PCDHAC1: variants seen among roughly 807,000 people sequenced by gnomAD.
PCDHAC1 encodes the protein protocadherin alpha-C1.
A neutral mutation model predicts 60.0 loss-of-function variants in PCDHAC1; 42 were observed. The ratio of observed to expected loss-of-function variants is 0.70; its 90% CI spans 0.55 to 0.90. PCDHAC1 has a LOEUF of 0.90. Among genes scored for constraint, PCDHAC1 ranks in the 40% least tolerant of loss-of-function variants. The pLI is 0.00. For missense variants in PCDHAC1, 1,160 were observed against 1,222.3 expected (o/e 0.95, Z 0.76); for synonymous variants, 468 against 499.3 (o/e 0.94, Z 0.84).
In PCDHAC1 at chr5:140,928,627, T is replaced by G. The variant is rs782634688; in HGVS notation, c.1735T>G (p.Leu579Val). The G allele has an allele frequency of 1.5e-5, 24 of 1,614,220 alleles. No homozygotes were observed. The highest frequency in any genetic ancestry group is 1.9e-5 in the Non-Finnish European group (23 of 1,180,026). Residue 579 changes from leucine (L) to valine (V), a missense_variant, in exon 1 of 4, where the codon TTG (leucine) becomes GTG (valine). Transcript: ENST00000253807. ...GCCCCGCTCTGCCAGGACTGGACAC[T>G]TGGTCACAAAAGTGGTAGCAGAGGA... ...IVPRSARTGH[L>V]VTKVVAEDAD...
At chr5:140,953,810 C>T (rs918101590) in intron 1 of PCDHAC1, among the ~76,000 whole-genome samples, 5 of 152,190 alleles carry the variant, frequency 3.3e-5, no homozygotes, top group South Asian at 2.1e-4. Context: ...TTCTGAGGTG[C>T]ATGTGCTAGT....
chr5:140,992,216 C>G (rs1554252754), intron 3 of PCDHAC1, among the ~76,000 whole-genome samples: 1 of 152,100 alleles, frequency 6.6e-6, no homozygotes, highest in African/African-American at 2.4e-5. Flanking sequence ...AAACTACTCT[C>G]CCTTCCTGGG....
rs558801074 is a variant in PCDHAC1 at position 140,931,826 on chromosome 5, G to A, written c.2433+2501G>A. On this transcript the variant is annotated intron_variant, in intron 1 of 3. Transcript: ENST00000253807. ...TCTTTAGAAAAGAATTCTTGTCATA[G>A]TATCCTGAATGCCTTAATAACAACA... Among the ~76,000 whole-genome samples, 28 of 151,962 alleles carry A rather than the reference G, an allele frequency of 1.8e-4. No homozygotes were observed. In the South Asian group the frequency reaches 5.4e-3, roughly 29 times the overall value.
At chr5:140,979,704 T>C (rs1430662594) in intron 2 of PCDHAC1, among the ~76,000 whole-genome samples, 1 of 152,246 alleles carries the variant, frequency 6.6e-6, no homozygotes, top group Non-Finnish European at 1.5e-5. Context: ...TTTCTGGAGG[T>C]GATCCAGTAT....
intron 3 of PCDHAC1, among the ~76,000 whole-genome samples, chr5:140,998,111 T>A (rs1224150326): frequency 1.3e-5 from 2 of 152,108 alleles, no homozygotes; most frequent in African/African-American, 4.8e-5. Flanking sequence ...GAGGAGAAAA[T>A]TTACTTGTGA....
intron 1 of PCDHAC1, among the ~76,000 whole-genome samples, chr5:140,977,672 A>G (rs1404527905): frequency 6.6e-6 from 1 of 152,202 alleles, no homozygotes; most frequent in East Asian, 1.9e-4. Flanking sequence ...TGCATGCCAA[A>G]TATCATGTAG....
At chr5:140,983,293 A>C (rs2097040232) in intron 3 of PCDHAC1, among the ~76,000 whole-genome samples, 1 of 152,240 alleles carries the variant, frequency 6.6e-6, no homozygotes, top group African/African-American at 2.4e-5. Context: ...AAAATTGCTT[A>C]AACTCACATT....
chr5:140,953,464 T>C (rs2094890309), intron 1 of PCDHAC1, among the ~76,000 whole-genome samples: 1 of 152,142 alleles, frequency 6.6e-6, no homozygotes. Flanking sequence ...GTCAGAGTTT[T>C]AACTTCCTCA....
At chr5:140,971,435 T>A (rs1188604248) in intron 1 of PCDHAC1, among the ~76,000 whole-genome samples, 1 of 152,190 alleles carries the variant, frequency 6.6e-6, no homozygotes, top group Non-Finnish European at 1.5e-5. Flanking sequence ...AACCCCAAGA[T>A]CTACAGCTCC....
intron 1 of PCDHAC1, chr5:140,969,583 AG>A: frequency 1.1e-6 from 1 of 914,068 alleles, no homozygotes; most frequent in South Asian, 1.9e-5. Context: ...AGTGAGGATT[AG>A]TCTTAATATT....
chr5:140,987,007 A>C (rs2097221901), intron 3 of PCDHAC1, among the ~76,000 whole-genome samples: 1 of 152,142 alleles, frequency 6.6e-6, no homozygotes, highest in African/African-American at 2.4e-5. Context: ...TGAGGTCATG[A>C]GTTCGAGACC....
Position 141,010,175 on chromosome 5 carries a change from A to G in PCDHAC1, c.*238A>G. The G allele has an allele frequency of 6.4e-7, 1 of 1,556,224 alleles. No homozygotes were observed. The highest frequency in any genetic ancestry group is 8.7e-7 in the Non-Finnish European group (1 of 1,149,078). On this transcript the variant is annotated 3_prime_UTR_variant, in exon 4 of 4. Coordinates refer to ENST00000253807, the MANE Select transcript of PCDHAC1 (RefSeq NM_018898.5). ...TCTGGCTTGTTTTCAGAACCTAAAA[A>G]GCAGACCCAAGTTTCCTTTCTCCTC...
intron 1 of PCDHAC1, chr5:140,966,972 T>A (rs1554229007): frequency 6.2e-7 from 1 of 1,602,946 alleles, no homozygotes; most frequent in Non-Finnish European, 8.5e-7. Flanking sequence ...GGGCTTGAGC[T>A]GCGGCGCTTG....
intron 3 of PCDHAC1, among the ~76,000 whole-genome samples, chr5:140,983,034 C>G (rs923296416): frequency 2.6e-5 from 4 of 151,944 alleles, no homozygotes; most frequent in Non-Finnish European, 5.9e-5. Context: ...GATGGTTTCT[C>G]ATGGAAGTGG....
Position 141,010,180 on chromosome 5 carries a change from AC to A in PCDHAC1, c.*246del. The stretch of plus-strand genomic sequence containing the variant: ...CTTGTTTTCAGAACCTAAAAAGCAG[AC>A]CCAAGTTTCCTTTCTCCTCCGCCGC... On this transcript the variant is annotated 3_prime_UTR_variant, in exon 4 of 4. Coordinates refer to ENST00000253807, the MANE Select transcript of PCDHAC1 (RefSeq NM_018898.5). 2 of 1,554,710 alleles carry A rather than the reference AC, an allele frequency of 1.3e-6. No individual in the cohort carries two copies. The highest frequency in any genetic ancestry group is 1.7e-6 in the Non-Finnish European group (2 of 1,148,310).
intron 1 of PCDHAC1, among the ~76,000 whole-genome samples, chr5:140,954,247 A>T (rs782077145): frequency 2.6e-5 from 4 of 152,196 alleles, no homozygotes; most frequent in Non-Finnish European, 4.4e-5. Context: ...ATGAACATAC[A>T]CATGCAGGTA....
At chr5:140,978,913 T>C in intron 1 of PCDHAC1, 36 bp from the exon 2 acceptor site, 1 of 1,613,902 alleles carries the variant, frequency 6.2e-7, no homozygotes, top group Non-Finnish European at 8.5e-7. Flanking sequence ...CATTGTCTTG[T>C]CATTTTAACA....
intron 1 of PCDHAC1, among the ~76,000 whole-genome samples, chr5:140,932,619 A>T (rs535899807): frequency 5.3e-5 from 8 of 152,056 alleles, no homozygotes; most frequent in African/African-American, 1.9e-4. Context: ...TGAAGCTGAT[A>T]ACCACACTAA....
intron 3 of PCDHAC1, among the ~76,000 whole-genome samples, chr5:141,005,681 G>A (rs970656529): frequency 2.7e-5 from 3 of 112,616 alleles, no homozygotes; most frequent in African/African-American, 3.6e-5. Flanking sequence ...CAGCCTGGGC[G>A]ACAGAGCGAA....
Sources: allele counts gnomAD v4.1 joint callset (sites outside exome capture counted in the v4.1 genomes callset), GRCh38; gene constraint gnomAD v4.1.1; transcripts MANE v1.5; gene names NCBI Gene and HGNC (gene_info 2026-07-23, HGNC 2026-07-21).